Variants in MEGF8 observed in about 807,000 individuals in gnomAD.
MEGF8 encodes the protein multiple EGF like domains 8.
MEGF8 carries 156 observed loss-of-function variants against 302.9 expected under a neutral mutation model. The observed-to-expected ratio is 0.52, with a 90% confidence interval of 0.45 to 0.59. The LOEUF (loss-of-function observed/expected upper bound fraction) is 0.59. MEGF8 is among the 20% of genes least tolerant of loss of function. The probability of loss-of-function intolerance (pLI) is 0.00; values close to 1 mark genes in which losing one functional copy is unlikely to be tolerated. For missense variants in MEGF8, 3,345 were observed against 3,964.5 expected, an observed-to-expected ratio of 0.84 and a Z score of 4.20; for synonymous variants, 1,621 against 1,660.5, an observed-to-expected ratio of 0.98 and a Z score of 0.58.
In MEGF8 at chr19:42,349,493, C is replaced by T. The variant is rs371679081; in HGVS notation, c.2299-6C>T. The T allele has an allele frequency of 9.9e-6, 16 of 1,609,620 alleles. No individual in the cohort carries two copies. In the Admixed American group the frequency reaches 1.3e-4, roughly 13 times the overall value. On this transcript the variant is annotated splice_polypyrimidine_tract_variant and splice_region_variant and intron_variant, in intron 13 of 41. Transcript: ENST00000251268. ...GGCCCCTGCCTATCACTCACACCTA[C>T]CCCAGGAGGAGGTGGGGCGCTGGGT...
intron 35 of MEGF8, among the ~76,000 whole-genome samples, chr19:42,365,158 G>T (rs1229600216): frequency 6.6e-6 from 1 of 152,180 alleles, no homozygotes; most frequent in African/African-American, 2.4e-5. Flanking sequence ...GGTAGTATGG[G>T]TTCTCCCCAG....
chr19:42,360,289 CCTCT>C (rs1210675275), intron 31 of MEGF8, among the ~76,000 whole-genome samples: 3 of 151,634 alleles, frequency 2.0e-5, no homozygotes, highest in Admixed American at 2.0e-4. Context: ...TGTCTCTCTC[CCTCT>C]CTTTTTTTTT....
rs1017959969 is a variant in MEGF8, at chr19:42,358,375, C to T, written c.5175+68C>T. The T allele has an allele frequency of 7.4e-6, 11 of 1,492,866 alleles. No homozygotes were observed. In the African/African-American group the frequency reaches 1.4e-4, roughly 19 times the overall value. 92.5% of individuals were successfully genotyped at this position (1,492,866 alleles called of 1,614,324 possible). On this transcript the variant is annotated intron_variant, in intron 29 of 41. Transcript: ENST00000251268. The surrounding 1 kb of genome is among the most constrained non-coding windows in gnomAD (Gnocchi z 4.4). ...GGGAGGGGTCCTCTTTCCCAGTGCC[C>T]CAGGGACTGGCTCCATCCCAGATTC...
Position 42,357,311 on chromosome 19 carries a change from A to C in MEGF8, c.4831-93A>C. On this transcript the variant is annotated intron_variant, in intron 27 of 41. Coordinates refer to ENST00000251268, the MANE Select transcript of MEGF8 (RefSeq NM_001271938.2). This position sits in a 1 kb window ranked among gnomAD's most constrained non-coding sequence, Gnocchi z 5.2. ...GGGGTCATTCCCTCCTTAGTACTTC[A>C]GGGAGGACTGTGGGGGGCTGAGGCT... The C allele has an allele frequency of 1.4e-6, 2 of 1,457,494 alleles. No individual in the cohort carries two copies. The highest frequency in any genetic ancestry group is 2.5e-5 in the South Asian group (2 of 79,786). The allele number at this position is 1,457,494 out of a possible 1,614,324, so 90.3% of individuals were successfully genotyped here. A position where few individuals can be genotyped will look rare whatever the true frequency, so the allele number is the denominator to read the frequency against.
At chr19:42,326,959 C>T (rs1195386233) in intron 1 of MEGF8, among the ~76,000 whole-genome samples, 2 of 152,100 alleles carry the variant, frequency 1.3e-5, no homozygotes, top group Non-Finnish European at 2.9e-5. Flanking sequence ...CGCACCTCAG[C>T]CTCCCAAAGT....
At chr19:42,346,984 CAAAAAAAAA>C (rs767117534) in intron 12 of MEGF8, among the ~76,000 whole-genome samples, 19 of 49,818 alleles carry the variant, frequency 3.8e-4, no homozygotes, top group African/African-American at 1.4e-3. Flanking sequence ...GACTCTGTCT[CAAAAAAAAA>C]AAAAAAAAAA....
chr19:42,361,047 C>G (rs1459520088), intron 32 of MEGF8, 41 bp downstream of exon 32: 1 of 1,513,246 alleles, frequency 6.6e-7, no homozygotes, highest in African/African-American at 1.4e-5. Context: ...GAGTGGAGCC[C>G]TCTAATGGGG....
rs780206335 is a variant in MEGF8 at position 42,336,783 on chromosome 19, C to T, written c.1245-24C>T. Reference sequence around the variant, plus strand: ...AGAGAGACGCTTCCTGCCCTGAGCCCCTGCCCTGCTTCTCCTTCGGTAGGT... The same window carrying T: ...AGAGAGACGCTTCCTGCCCTGAGCCTCTGCCCTGCTTCTCCTTCGGTAGGT... On this transcript the variant is annotated intron_variant, in intron 6 of 41. Coordinates refer to ENST00000251268, the MANE Select transcript of MEGF8 (RefSeq NM_001271938.2). This position sits in a 1 kb window ranked among gnomAD's most constrained non-coding sequence, Gnocchi z 4.8. 5.1e-6 allele frequency: 8 copies of T among 1,561,940 alleles called. No homozygotes were observed. The highest frequency in any genetic ancestry group is 1.7e-4 in the Middle Eastern group (1 of 5,856).
Position 42,375,914 on chromosome 19 carries a change from C to A in MEGF8, c.7677C>A (p.Gly2559=). 2 of 1,598,436 alleles carry A rather than the reference C, an allele frequency of 1.3e-6. No homozygotes were observed. Among genetic ancestry groups the A allele is most frequent in the Non-Finnish European group, 1.7e-6 (2 of 1,172,132 alleles). The change falls in exon 42 of 42, where the codon GGC becomes GGA. Residue 2559 remains glycine, a synonymous_variant. Coordinates refer to ENST00000251268, the MANE Select transcript of MEGF8 (RefSeq NM_001271938.2). The surrounding 1 kb of genome is among the most constrained non-coding windows in gnomAD (Gnocchi z 7.1). ...GAGCAGGGGCCAGCAGTGGGCCGGGCGCCCCAGCAGAGCCACGGGTACGGG... is the reference window on the plus strand; with the variant it reads ...GAGCAGGGGCCAGCAGTGGGCCGGGAGCCCCAGCAGAGCCACGGGTACGGG... ...PGGAGASSGP[G]APAEPRVREV...
chr19:42,344,047 C>A lies in MEGF8; in HGVS notation c.1762C>A (p.Pro588Thr), dbSNP rs758003145. Reference protein sequence around the residue: ...SWCQGACQAAPPPGTPLGACP... With the variant: ...SWCQGACQAATPPGTPLGACP... ...GTGCCAAGGAGCCTGCCAAGCTGCA[C>A]CCCCTCCTGGGACCCCCTTGGGGGC... The change falls in exon 10 of 42, where the codon CCC becomes ACC. Residue 588 changes from proline to threonine, a missense_variant. Pro to Thr is a conservative substitution (Grantham distance 38, BLOSUM62 -1). Coordinates refer to ENST00000251268, the MANE Select transcript of MEGF8 (RefSeq NM_001271938.2). This position sits in a 1 kb window ranked among gnomAD's most constrained non-coding sequence, Gnocchi z 4.5. 67 of 1,613,658 alleles carry A rather than the reference C, an allele frequency of 4.2e-5. No homozygotes were observed. Among genetic ancestry groups the A allele is most frequent in the Non-Finnish European group, 5.5e-5 (65 of 1,179,758 alleles).
chr19:42,357,310 C>A lies in MEGF8; in HGVS notation c.4831-94C>A, dbSNP rs2039466398. ...GGGGGTCATTCCCTCCTTAGTACTT[C>A]AGGGAGGACTGTGGGGGGCTGAGGC... On this transcript the variant is annotated intron_variant, in intron 27 of 41. Transcript: ENST00000251268. The surrounding 1 kb of genome is among the most constrained non-coding windows in gnomAD (Gnocchi z 5.2). 1 of 1,442,762 alleles carries A rather than the reference C, an allele frequency of 6.9e-7. No individual in the cohort carries two copies. The highest frequency in any genetic ancestry group is 9.5e-7 in the Non-Finnish European group (1 of 1,055,084). The allele number at this position is 1,442,762 out of a possible 1,614,324, so 89.4% of individuals were successfully genotyped here.
chr19:42,370,158 C>A, intron 38 of MEGF8, 31 bp from the exon 39 acceptor site: 1 of 1,585,482 alleles, frequency 6.3e-7, no homozygotes, highest in Non-Finnish European at 8.6e-7. Flanking sequence ...GACTCTCCAG[C>A]CTCTCTAACT....
Position 42,351,281 on chromosome 19 carries a change from C to T in MEGF8, c.2802C>T (p.Gly934=), listed in dbSNP as rs2039367648. 1 of 1,571,214 alleles carries T rather than the reference C, an allele frequency of 6.4e-7. No homozygotes were observed. The highest frequency in any genetic ancestry group is 1.3e-5 in the African/African-American group (1 of 74,310). ...GGGACGCGGCATGCAGCCGGCGGGG[C>T]CGGGGTCGGGGTGCCCTGAAGAGTC... ...RKGDAACSRR[G]RGRGALKSPE... Residue 934 remains glycine, a synonymous_variant, in exon 16 of 42, where the codon GGC becomes GGT. Coordinates refer to ENST00000251268, the MANE Select transcript of MEGF8 (RefSeq NM_001271938.2). The surrounding 1 kb of genome is among the most constrained non-coding windows in gnomAD (Gnocchi z 5.6).
rs919902335 is a variant in MEGF8 at position 42,352,323 on chromosome 19, C to T, written c.3217C>T (p.Pro1073Ser). ...LPARWAYARCPDVDECRLGLA... is the reference protein window; with the variant it reads ...LPARWAYARCSDVDECRLGLA... ...TGCCCGCTGGGCATACGCCCGCTGT[C>T]CTGACGTGGATGAGTGTCGCCTGGG... Residue 1073 changes from proline (P) to serine (S), a missense_variant, in exon 19 of 42, where the codon CCT becomes TCT. By Grantham distance (74) the Pro-to-Ser change is moderately conservative (BLOSUM62 -1). Transcript: ENST00000251268. The surrounding 1 kb of genome is among the most constrained non-coding windows in gnomAD (Gnocchi z 4.4). The T allele has an allele frequency of 1.9e-6, 3 of 1,582,400 alleles. No homozygotes were observed. Among genetic ancestry groups the T allele is most frequent in the African/African-American group, 1.3e-5 (1 of 74,286 alleles).
At position 42,336,370 on chromosome 19, in the gene MEGF8, A is replaced by G. The variant is rs189956869; in HGVS notation, c.1244+24A>G. 1.8e-5 allele frequency: 28 copies of G among 1,563,052 alleles called. No individual in the cohort carries two copies. The East Asian group carries it at 5.9e-4, about 33-fold the overall frequency. ...CGGTAAGTGACCTGTCCCATAACCC[A>G]TGCTCCACAGGCCAGGCCCAGCTCA... On this transcript the variant is annotated intron_variant, in intron 6 of 41. Transcript: ENST00000251268. This position sits in a 1 kb window ranked among gnomAD's most constrained non-coding sequence, Gnocchi z 4.8.
intron 3 of MEGF8, among the ~76,000 whole-genome samples, chr19:42,334,504 C>T (rs1292311780): frequency 6.6e-6 from 1 of 152,148 alleles, no homozygotes; most frequent in Non-Finnish European, 1.5e-5. Flanking sequence ...CCAAATCTGT[C>T]CTCCCATCCA....
chr19:42,373,116 C>T (rs1444193983), intron 41 of MEGF8, among the ~76,000 whole-genome samples: 5 of 150,080 alleles, frequency 3.3e-5, no homozygotes, highest in East Asian at 4.0e-4. Flanking sequence ...TTTTTTGAGA[C>T]GGAGTCTCAC....
In MEGF8 at chr19:42,344,659, T is replaced by C. The variant is rs778131845; in HGVS notation, c.1934-11T>C. On this transcript the variant is annotated splice_polypyrimidine_tract_variant and intron_variant, in intron 11 of 41. Transcript: ENST00000251268. This position sits in a 1 kb window ranked among gnomAD's most constrained non-coding sequence, Gnocchi z 4.5. Reference sequence around the variant, plus strand: ...CACTGACCCACCGGCCCCCACCCCCTGTCTTCTCAGAGCAGGCCCGCTGCC... The same window carrying C: ...CACTGACCCACCGGCCCCCACCCCCCGTCTTCTCAGAGCAGGCCCGCTGCC... The C allele has an allele frequency of 6.4e-7, 1 of 1,564,066 alleles. No homozygotes were observed. The highest frequency in any genetic ancestry group is 1.4e-5 in the African/African-American group (1 of 74,056).
Position 42,368,612 on chromosome 19 carries a change from A to C in MEGF8, c.6431A>C (p.Gln2144Pro). 1 of 1,569,570 alleles carries C rather than the reference A, an allele frequency of 6.4e-7. No homozygotes were observed. The highest frequency in any genetic ancestry group is 8.6e-7 in the Non-Finnish European group (1 of 1,158,076). ...PHCGWCAWGG[Q>P]DGGGRCMEGG... ...TGCGGCTGGTGTGCCTGGGGGGGCC[A>C]GGATGGGGGTGGCCGCTGCATGGAG... is the stretch of plus-strand genomic sequence containing the variant. The change falls in exon 36 of 42, where the codon CAG becomes CCG. Residue 2144 changes from glutamine to proline, a missense_variant. Coordinates refer to ENST00000251268, the MANE Select transcript of MEGF8 (RefSeq NM_001271938.2). The surrounding 1 kb of genome is among the most constrained non-coding windows in gnomAD (Gnocchi z 4.9).
Sources: allele counts gnomAD v4.1 joint callset (sites outside exome capture counted in the v4.1 genomes callset), GRCh38; gene constraint gnomAD v4.1.1; non-coding constraint Gnocchi (gnomAD v3.1); transcripts MANE v1.5; gene names NCBI Gene and HGNC (gene_info 2026-07-23, HGNC 2026-07-21).